Variants in ANKFN1 observed in about 807,000 individuals in gnomAD.
ANKFN1 encodes the protein ankyrin repeat and fibronectin type III domain containing 1, also known as ankyrin repeat and fibronectin type-III domain-containing protein 1.
ANKFN1 carries 74 observed loss-of-function variants against 108.7 expected under a neutral mutation model. The observed-to-expected ratio is 0.68, with a 90% CI of 0.56 to 0.83. ANKFN1 has a LOEUF of 0.83. Ranked by LOEUF, ANKFN1 falls within the 40% of genes least tolerant of loss-of-function variation. ANKFN1 has a pLI of 0.00. For missense variants in ANKFN1, 1,505 were observed against 1,382.3 expected (o/e 1.09, Z -1.41); for synonymous variants, 547 against 516.2 (o/e 1.06, Z -0.81).
intron 19 of ANKFN1, among the ~76,000 whole-genome samples, chr17:56,494,446 A>G (rs918532992): frequency 6.6e-6 from 1 of 152,106 alleles, no homozygotes; most frequent in African/African-American, 2.4e-5. Flanking sequence ...GAGCATAGTA[A>G]GAATAACAAC....
At chr17:56,141,667 G>T (rs1397245707) in intron 4 of ANKFN1, among the ~76,000 whole-genome samples, 3 of 152,068 alleles carry the variant, frequency 2.0e-5, no homozygotes, top group Non-Finnish European at 4.4e-5. Flanking sequence ...ACTCATCAGG[G>T]TGTGTGTGGG....
At chr17:56,365,821 A>G (rs2046646629) in intron 6 of ANKFN1, among the ~76,000 whole-genome samples, 2 of 152,246 alleles carry the variant, frequency 1.3e-5, no homozygotes, top group Admixed American at 1.3e-4. Flanking sequence ...TGGCACATAC[A>G]GTTATGTACA....
In ANKFN1 at chr17:56,295,762, G is replaced by A. The variant is rs533769135; in HGVS notation, c.54-30459G>A. Reference sequence around the variant, plus strand: ...TACAAGATCAAGGCACGAGCTTCTGGCAAGGGCCATCTTGCAGAATGCACC... The same window carrying A: ...TACAAGATCAAGGCACGAGCTTCTGACAAGGGCCATCTTGCAGAATGCACC... On this transcript the variant is annotated intron_variant, in intron 3 of 20. Coordinates refer to ENST00000682825, the MANE Select transcript of ANKFN1 (RefSeq NM_001370326.1). Among the ~76,000 whole-genome samples the A allele has an allele frequency of 2.0e-5, 3 of 152,324 alleles. No individual in the cohort carries two copies. The South Asian group carries it at 6.2e-4, about 32-fold the overall frequency.
chr17:56,169,545 AGGC>A (rs1450521593), intron 1 of ANKFN1, among the ~76,000 whole-genome samples: 3 of 152,200 alleles, frequency 2.0e-5, no homozygotes, highest in Non-Finnish European at 4.4e-5. Flanking sequence ...GCTGGATTAT[AGGC>A]ATGAGCAACG....
chr17:56,098,288 A>G (rs72829707), intron 4 of ANKFN1, among the ~76,000 whole-genome samples: 5,510 of 152,332 alleles, frequency 0.036, 113 homozygotes, highest in Middle Eastern at 0.082. Context: ...CACATAGTTT[A>G]TGGTAATCTG....
chr17:56,163,551 A>G (rs889686077), intron 1 of ANKFN1, among the ~76,000 whole-genome samples: 1 of 152,212 alleles, frequency 6.6e-6, no homozygotes, highest in Non-Finnish European at 1.5e-5. Flanking sequence ...GCCGACTTTC[A>G]TACTTCCATA....
At chr17:56,423,358 T>C (rs1240754167) in intron 8 of ANKFN1, among the ~76,000 whole-genome samples, 1 of 152,190 alleles carries the variant, frequency 6.6e-6, no homozygotes, top group Non-Finnish European at 1.5e-5. Context: ...TGAAACAGTA[T>C]GAGAAGCAGC....
At chr17:56,079,529 A>G (rs1477219196) in intron 4 of ANKFN1, among the ~76,000 whole-genome samples, 1 of 152,210 alleles carries the variant, frequency 6.6e-6, no homozygotes, top group Non-Finnish European at 1.5e-5. Flanking sequence ...AAGTGAAAAG[A>G]AGAAATAGAG....
intron 19 of ANKFN1, 51 bp from the exon 20 acceptor site, chr17:56,498,830 CT>C: frequency 6.9e-7 from 1 of 1,443,776 alleles, no homozygotes; most frequent in South Asian, 1.2e-5. Context: ...AAATGTATTC[CT>C]TTTTAATCAC....
chr17:56,421,835 TTC>T (rs1302578512), intron 8 of ANKFN1, among the ~76,000 whole-genome samples: 5 of 152,204 alleles, frequency 3.3e-5, no homozygotes, highest in Non-Finnish European at 7.3e-5. Context: ...TCAGAATATA[TTC>T]TGTCTTTATA....
At position 56,477,651 on chromosome 17, in the gene ANKFN1, C is replaced by CT. The variant is rs1801256619; in HGVS notation, c.1938dup (p.Arg647Ter). 1 of 1,612,092 alleles carries CT rather than the reference C, an allele frequency of 6.2e-7. No individual in the cohort carries two copies. The highest frequency in any genetic ancestry group is 1.3e-5 in the African/African-American group (1 of 74,708). On this transcript the variant is annotated frameshift_variant, in exon 16 of 21. Coordinates refer to ENST00000682825, the MANE Select transcript of ANKFN1 (RefSeq NM_001370326.1). LOFTEE classifies it high-confidence loss of function. ...AAGATCCGTGAAAACAATAATATTT[C>CT]TAGGTAAGTGATCAGGAGTTAAGAT... is the stretch of plus-strand genomic sequence containing the variant.
At chr17:56,146,438 T>C (rs1295739778) in intron 4 of ANKFN1, among the ~76,000 whole-genome samples, 1 of 152,210 alleles carries the variant, frequency 6.6e-6, no homozygotes, top group Non-Finnish European at 1.5e-5. Flanking sequence ...GTGGAGGTTC[T>C]CCATGAAGGC....
intron 8 of ANKFN1, among the ~76,000 whole-genome samples, chr17:56,409,479 A>G (rs1218033289): frequency 6.6e-6 from 1 of 152,230 alleles, no homozygotes; most frequent in Non-Finnish European, 1.5e-5. Flanking sequence ...CTCAGAGCCT[A>G]AGAACAACAC....
At chr17:56,470,172 T>C (rs1217029153) in intron 15 of ANKFN1, among the ~76,000 whole-genome samples, 1 of 152,214 alleles carries the variant, frequency 6.6e-6, no homozygotes, top group Non-Finnish European at 1.5e-5. Flanking sequence ...CCACATTTTC[T>C]TTATCCAGTC....
intron 1 of ANKFN1, among the ~76,000 whole-genome samples, chr17:56,183,242 T>G (rs1252945609): frequency 1.3e-5 from 2 of 152,160 alleles, no homozygotes; most frequent in African/African-American, 4.8e-5. Context: ...TCAATAGCGA[T>G]TCCTATGATG....
intron 3 of ANKFN1, among the ~76,000 whole-genome samples, chr17:56,235,385 G>A (rs925130456): frequency 1.7e-4 from 26 of 152,170 alleles, no homozygotes; most frequent in Middle Eastern, 3.4e-3. Context: ...ACTTTTGCTT[G>A]CGTTGCAATT....
intron 6 of ANKFN1, among the ~76,000 whole-genome samples, chr17:56,372,137 G>A (rs986695732): frequency 6.6e-6 from 1 of 152,220 alleles, no homozygotes; most frequent in African/African-American, 2.4e-5. Flanking sequence ...GTACAAAAAT[G>A]TCTATAAGCT....
At chr17:56,358,878 T>C (rs1473478893) in intron 6 of ANKFN1, among the ~76,000 whole-genome samples, 7 of 152,050 alleles carry the variant, frequency 4.6e-5, no homozygotes, top group Admixed American at 4.6e-4. Flanking sequence ...AAGCCCCCAG[T>C]CATAAACCCC....
rs1178489075 is a variant in ANKFN1 at position 56,512,273 on chromosome 17, T to C, written c.*1004T>C. On this transcript the variant is annotated 3_prime_UTR_variant, in exon 21 of 21. Transcript: ENST00000682825. ...CCCTGCAGATACGGTCAGTCAGCAATGGGCTCCTCACAACCCCACAGGCTT... is the reference window on the plus strand; with the variant it reads ...CCCTGCAGATACGGTCAGTCAGCAACGGGCTCCTCACAACCCCACAGGCTT... Among the ~76,000 whole-genome samples the C allele has an allele frequency of 1.3e-5, 2 of 152,184 alleles. No individual in the cohort carries two copies. The highest frequency in any genetic ancestry group is 2.9e-5 in the Non-Finnish European group (2 of 68,034).
Sources: gnomAD v4.1 joint callset for allele counts (sites outside exome capture counted in the v4.1 genomes callset) on GRCh38, gnomAD v4.1.1 for gene constraint, MANE v1.5 for transcripts, NCBI Gene and HGNC (gene_info 2026-07-23, HGNC 2026-07-21) for gene names.